Variants in NAA16 observed in about 807,000 individuals in gnomAD.
NAA16 encodes the protein NARG1-like protein.
NAA16 carries 97 observed loss-of-function variants against 110.3 expected under a neutral mutation model. That is an observed-to-expected ratio of 0.88 (90% CI 0.75 to 1.04). The LOEUF (loss-of-function observed/expected upper bound fraction) is 1.04. NAA16 is among the 50% of genes least tolerant of loss of function. The pLI, the probability that NAA16 is intolerant of heterozygous loss-of-function variation, is 0.00. For missense variants in NAA16, 1,017 were observed against 1,005.1 expected (o/e 1.01, Z -0.16); for synonymous variants, 372 against 330.6 (o/e 1.13, Z -1.36).
intron 9 of NAA16, among the ~76,000 whole-genome samples, chr13:41,340,315 G>A (rs1305881237): frequency 1.3e-5 from 2 of 152,118 alleles, no homozygotes; most frequent in East Asian, 1.9e-4. Flanking sequence ...AGGGTTTTTT[G>A]TGTCTGTATT....
At chr13:41,321,430 C>G (rs1420956083) in intron 4 of NAA16, among the ~76,000 whole-genome samples, 3 of 152,172 alleles carry the variant, frequency 2.0e-5, no homozygotes, top group Non-Finnish European at 4.4e-5. Context: ...TCCCACCTCA[C>G]CCTCCCAAAG....
chr13:41,317,694 C>G (rs1489255994), intron 2 of NAA16, among the ~76,000 whole-genome samples: 1 of 152,136 alleles, frequency 6.6e-6, no homozygotes, highest in Non-Finnish European at 1.5e-5. Context: ...AGCTTGTTTT[C>G]AAGCTTTTTA....
In NAA16 at chr13:41,344,145, CTCAGAG is replaced by C. The variant is rs545315695; in HGVS notation, c.1014+7393_1014+7398del. Among the ~76,000 whole-genome samples the C allele has an allele frequency of 3.8e-3, 582 of 152,248 alleles. 1 individual carries two copies. Among genetic ancestry groups the C allele is most frequent in the African/African-American group, 0.013 (552 of 41,534 alleles). On this transcript the variant is annotated intron_variant, in intron 9 of 19. Transcript: ENST00000379406. ...TTATTTTCTTCTCATATTTTCTTCT[CTCAGAG>C]TCATTCAGTGGGTAAAGGATATGAA...
chr13:41,317,991 T>C (rs2041851476), intron 2 of NAA16, among the ~76,000 whole-genome samples: 2 of 152,240 alleles, frequency 1.3e-5, no homozygotes. Flanking sequence ...GTATAATTTG[T>C]TGGAATAAAC....
chr13:41,325,299 A>G (rs1252507730), intron 5 of NAA16, among the ~76,000 whole-genome samples: 1 of 151,714 alleles, frequency 6.6e-6, no homozygotes, highest in Non-Finnish European at 1.5e-5. Context: ...TGTGTCACTC[A>G]CTTTATTGTG....
In NAA16 at chr13:41,358,959, A is replaced by C. The variant is rs756838059; in HGVS notation, c.1407A>C (p.Thr469=). 1 of 1,601,568 alleles carries C rather than the reference A, an allele frequency of 6.2e-7. No homozygotes were observed. The highest frequency in any genetic ancestry group is 1.1e-5 in the South Asian group (1 of 89,630). ...KEAEEMCSKF[T]REGTSAMENL... ...CAGAGGAAATGTGCTCCAAGTTCAC[A>C]AGGGTAGGAAATAGCATGCATGAGC... is the stretch of plus-strand genomic sequence containing the variant. The change falls in exon 12 of 20, where the codon ACA becomes ACC. Residue 469 remains threonine, a synonymous_variant. Coordinates refer to ENST00000379406, the MANE Select transcript of NAA16 (RefSeq NM_024561.5).
chr13:41,339,696 A>T (rs547619289), intron 9 of NAA16, among the ~76,000 whole-genome samples: 17 of 152,172 alleles, frequency 1.1e-4, no homozygotes, highest in Admixed American at 3.3e-4. Context: ...TAGCTTGGGA[A>T]TACAGGTGCC....
At chr13:41,350,630 T>G (rs1365400587) in intron 9 of NAA16, among the ~76,000 whole-genome samples, 9 of 148,144 alleles carry the variant, frequency 6.1e-5, no homozygotes, top group East Asian at 3.9e-4. Flanking sequence ...GTTTGTTTGT[T>G]TTTTTTAAGA....
At chr13:41,312,546 T>C (rs2041652893) in intron 1 of NAA16, among the ~76,000 whole-genome samples, 1 of 152,194 alleles carries the variant, frequency 6.6e-6, no homozygotes, top group Non-Finnish European at 1.5e-5. Flanking sequence ...TTCTAGTTTA[T>C]CTTTTCACCT....
chr13:41,347,636 T>C (rs2042721375), intron 9 of NAA16, among the ~76,000 whole-genome samples: 1 of 152,138 alleles, frequency 6.6e-6, no homozygotes, highest in Non-Finnish European at 1.5e-5. Flanking sequence ...ATAATTTCAT[T>C]TTTGGATTAT....
At chr13:41,328,960 T>A (rs2042163997) in intron 7 of NAA16, 117 bp downstream of exon 7, 1 of 866,632 alleles carries the variant, frequency 1.2e-6, no homozygotes, top group African/African-American at 1.7e-5. Context: ...TTTTTCCATT[T>A]AGTAAAATTA....
intron 17 of NAA16, chr13:41,373,140 C>T: frequency 1.1e-6 from 1 of 941,032 alleles, no homozygotes; most frequent in Non-Finnish European, 1.3e-6. Context: ...ACCTGTTAGC[C>T]AAGAGATGGT....
rs2042157468 is a variant in NAA16, at chr13:41,328,743, G to C, written c.711G>C (p.Leu237Phe). 1 of 1,606,292 alleles carries C rather than the reference G, an allele frequency of 6.2e-7. No individual in the cohort carries two copies. The highest frequency in any genetic ancestry group is 1.1e-5 in the South Asian group (1 of 90,296). Reference protein sequence around the residue: ...EEIKGEILLKLGRLKEASEVF... With the variant: ...EEIKGEILLKFGRLKEASEVF... Reference sequence around the variant, plus strand: ...TTTCAGGGGAAATACTGTTGAAATTGGGAAGATTAAAAGAAGCCAGTGAAG... The same window carrying C: ...TTTCAGGGGAAATACTGTTGAAATTCGGAAGATTAAAAGAAGCCAGTGAAG... Residue 237 changes from leucine to phenylalanine, a missense_variant, in exon 7 of 20, where the codon TTG (leucine) becomes TTC (phenylalanine). Leu to Phe is a conservative substitution (Grantham distance 22). Transcript: ENST00000379406.
chr13:41,324,794 T>G (rs2139393059), intron 5 of NAA16, among the ~76,000 whole-genome samples: 1 of 152,008 alleles, frequency 6.6e-6, no homozygotes, highest in Middle Eastern at 3.4e-3. Flanking sequence ...GACTAGGACT[T>G]GAACTCCTAG....
At chr13:41,335,046 A>G (rs1356688130) in intron 8 of NAA16, among the ~76,000 whole-genome samples, 4 of 152,140 alleles carry the variant, frequency 2.6e-5, no homozygotes, top group Non-Finnish European at 5.9e-5. Flanking sequence ...ATTCTTTTTC[A>G]TACCTGCACA....
chr13:41,372,101 A>T, intron 15 of NAA16, 102 bp from the exon 16 acceptor site: 1 of 969,590 alleles, frequency 1.0e-6, no homozygotes, highest in Non-Finnish European at 1.4e-6. Context: ...TTATAAAGAA[A>T]GCTGTCTAAA....
chr13:41,320,156 T>C (rs1382415594), intron 3 of NAA16, among the ~76,000 whole-genome samples: 1 of 152,226 alleles, frequency 6.6e-6, no homozygotes, highest in Non-Finnish European at 1.5e-5. Flanking sequence ...ATACAACTTA[T>C]TTTTTGTGGC....
intron 9 of NAA16, among the ~76,000 whole-genome samples, chr13:41,353,478 G>C (rs1309410581): frequency 6.6e-6 from 1 of 151,558 alleles, no homozygotes; most frequent in Non-Finnish European, 1.5e-5. Flanking sequence ...AAAACAGACT[G>C]TACAGGCCAG....
rs2043415655 is a variant in NAA16 at position 41,375,670 on chromosome 13, GCATTTTAATATAC to G, written c.*69_*81del. The G allele has an allele frequency of 8.7e-7, 1 of 1,154,182 alleles. No individual in the cohort carries two copies. The highest frequency in any genetic ancestry group is 1.6e-5 in the African/African-American group (1 of 64,158). The allele number at this position is 1,154,182 out of a possible 1,614,324, so 71.5% of individuals were successfully genotyped here. On this transcript the variant is annotated 3_prime_UTR_variant, in exon 20 of 20. Transcript: ENST00000379406. ...GAGATCAGGGTTTCTTTTCCAGGGT[GCATTTTAATATAC>G]GTATGAAATGAAATATTTGGTTAGG... is the stretch of plus-strand genomic sequence containing the variant.
Sources: allele counts gnomAD v4.1 joint callset (sites outside exome capture counted in the v4.1 genomes callset), GRCh38; gene constraint gnomAD v4.1.1; transcripts MANE v1.5; gene names NCBI Gene and HGNC (gene_info 2026-07-23, HGNC 2026-07-21).